The following ARHGAP20 variants were observed in gnomAD, a reference collection of about 807,000 sequenced individuals.
ARHGAP20 encodes the protein rho GTPase-activating protein 20.
A neutral mutation model predicts 73.7 loss-of-function variants in ARHGAP20; 34 were observed. The ratio of observed to expected loss-of-function variants is 0.46; its 90% CI spans 0.35 to 0.61. The LOEUF is 0.61. Among genes scored for constraint, ARHGAP20 ranks in the 20% least tolerant of loss-of-function variants. The pLI, the probability that ARHGAP20 is intolerant of heterozygous loss-of-function variation, is 0.00. For missense variants in ARHGAP20, 1,314 were observed against 1,420.9 expected, an observed-to-expected ratio of 0.92 and a Z score of 1.21; for synonymous variants, 523 against 518.2, an observed-to-expected ratio of 1.01 and a Z score of -0.13.
rs548111968 is a variant in ARHGAP20 at position 110,668,330 on chromosome 11, TA to T, written c.188+22216del. ...TAAAAAGCAATAACATATTTTAAAA[TA>T]AAGGTATACAAATTGTTTTTTAAAG... On this transcript the variant is annotated intron_variant, in intron 2 of 14. Transcript: ENST00000683387. Among the ~76,000 whole-genome samples, 345 of 152,264 alleles carry T rather than the reference TA, an allele frequency of 2.3e-3. 3 individuals carry two copies. Among genetic ancestry groups the T allele is most frequent in the African/African-American group, 7.5e-3 (313 of 41,558 alleles).
rs1202277689 is a variant in ARHGAP20 at position 110,712,138 on chromosome 11, A to C, written c.94T>G (p.Cys32Gly). 2 of 1,357,318 alleles carry C rather than the reference A, an allele frequency of 1.5e-6. No homozygotes were observed. The allele number at this position is 1,357,318 out of a possible 1,614,324, so 84.1% of individuals were successfully genotyped here. A position where few individuals can be genotyped will look rare whatever the true frequency, so the allele number is the denominator to read the frequency against. The change falls in exon 1 of 15, where the codon TGC becomes GGC. Residue 32 changes from cysteine to glycine, a missense_variant. Around this residue, in one of 3 missense-constraint regions of ARHGAP20, gnomAD observed 443 missense variants for 466.4 expected, o/e 0.95. Transcript: ENST00000683387. The part of the protein sequence containing the change: ...TGVSRLAGGS[C>G]TKKKMKTLAE... ...CTCAGCGTCCTCACCTTCTTGGTGC[A>C]GCTGCCTCCCGCGAGCCGAGACACT... is the stretch of plus-strand genomic sequence containing the variant.
Position 110,580,708 on chromosome 11 carries a change from A to C in ARHGAP20, c.2238T>G (p.Asn746Lys), listed in dbSNP as rs1333277958. 1.2e-6 allele frequency: 2 copies of C among 1,613,842 alleles called. No homozygotes were observed. The highest frequency in any genetic ancestry group is 2.2e-5 in the East Asian group (1 of 44,898). Residue 746 changes from asparagine (N) to lysine (K), a missense_variant, in exon 15 of 15, where the codon AAT becomes AAG. Physicochemically the swap from Asn to Lys is moderately conservative, Grantham distance 94. Coordinates refer to ENST00000683387, the MANE Select transcript of ARHGAP20 (RefSeq NM_001384657.1). ...SQKDEDYLKQ[N>K]QPLQEEGKTC... ...TCTTTCCTTCCTCCTGGAGGGGTTG[A>C]TTCTGCTTCAGATAGTCTTCATCTT...
At chr11:110,703,826 A>G (rs1296074758) in intron 1 of ARHGAP20, among the ~76,000 whole-genome samples, 1 of 152,076 alleles carries the variant, frequency 6.6e-6, no homozygotes. Flanking sequence ...TCAATCACCA[A>G]TGTTCTCTGC....
chr11:110,684,474 T>C (rs981417707), intron 2 of ARHGAP20, among the ~76,000 whole-genome samples: 81 of 152,278 alleles, frequency 5.3e-4, no homozygotes, highest in African/African-American at 1.8e-3. Context: ...TTCTGAAAAA[T>C]GTAAATTTGT....
chr11:110,672,474 AT>A (rs11322397), intron 2 of ARHGAP20, among the ~76,000 whole-genome samples: 3,751 of 150,314 alleles, frequency 0.025, 153 homozygotes, highest in African/African-American at 0.088. Context: ...CAGATGGCTA[AT>A]TTTTTTTTTC....
intron 2 of ARHGAP20, among the ~76,000 whole-genome samples, chr11:110,659,838 G>A (rs1039145712): frequency 1.6e-4 from 24 of 151,518 alleles, no homozygotes; most frequent in African/African-American, 3.9e-4. Flanking sequence ...CTCACTCATC[G>A]GTGGGAACTG....
At chr11:110,587,654 T>G (rs1947706236) in intron 11 of ARHGAP20, among the ~76,000 whole-genome samples, 1 of 152,188 alleles carries the variant, frequency 6.6e-6, no homozygotes, top group African/African-American at 2.4e-5. Context: ...GCTGCTAAAT[T>G]GCATATGGCC....
At chr11:110,644,618 C>T (rs569786612) in intron 2 of ARHGAP20, among the ~76,000 whole-genome samples, 8 of 152,006 alleles carry the variant, frequency 5.3e-5, no homozygotes, top group East Asian at 1.9e-4. Context: ...AAACTGGATC[C>T]GTATCTATCT....
chr11:110,584,290 A>G (rs1398852711), intron 12 of ARHGAP20, among the ~76,000 whole-genome samples: 1 of 152,118 alleles, frequency 6.6e-6, no homozygotes, highest in Non-Finnish European at 1.5e-5. Context: ...TCACTTTCAC[A>G]TATCAGTTGC....
At chr11:110,596,515 A>G (rs1280900309) in intron 9 of ARHGAP20, among the ~76,000 whole-genome samples, 1 of 152,188 alleles carries the variant, frequency 6.6e-6, no homozygotes, top group Non-Finnish European at 1.5e-5. Flanking sequence ...GAAGACATTT[A>G]TGCAGCCAAA....
intron 2 of ARHGAP20, among the ~76,000 whole-genome samples, chr11:110,681,447 G>A (rs888217407): frequency 1.3e-5 from 2 of 152,182 alleles, no homozygotes; most frequent in African/African-American, 2.4e-5. Context: ...TTATGAGGTC[G>A]TTGAGTTCAT....
chr11:110,707,309 T>C (rs1389052958), intron 1 of ARHGAP20, among the ~76,000 whole-genome samples: 1 of 152,164 alleles, frequency 6.6e-6, no homozygotes, highest in Non-Finnish European at 1.5e-5. Flanking sequence ...GTGCTTCCAC[T>C]TCATTAAAAC....
intron 2 of ARHGAP20, among the ~76,000 whole-genome samples, chr11:110,672,884 C>CAT (rs1949857187): frequency 6.6e-6 from 1 of 152,130 alleles, no homozygotes. Flanking sequence ...AAGATATTTA[C>CAT]CCAACAGAGT....
intron 3 of ARHGAP20, among the ~76,000 whole-genome samples, chr11:110,625,965 A>G (rs1353741137): frequency 1.3e-5 from 2 of 152,254 alleles, no homozygotes; most frequent in African/African-American, 4.8e-5. Context: ...AGGATTTTGC[A>G]GGAACTGAAG....
In ARHGAP20 at chr11:110,582,450, A is replaced by T; in HGVS notation, c.1606-15T>A. The T allele has an allele frequency of 6.8e-7, 1 of 1,480,038 alleles. No individual in the cohort carries two copies. The highest frequency in any genetic ancestry group is 1.1e-5 in the South Asian group (1 of 87,362). 91.7% of individuals were successfully genotyped at this position (1,480,038 alleles called of 1,614,324 possible). On this transcript the variant is annotated splice_polypyrimidine_tract_variant and intron_variant, in intron 13 of 14. Coordinates refer to ENST00000683387, the MANE Select transcript of ARHGAP20 (RefSeq NM_001384657.1). The stretch of plus-strand genomic sequence containing the variant: ...AGCAGGGAAACCTGTAAGAAAAAGG[A>T]CAAACGAAGTATTACTTTTCATATT...
chr11:110,596,040 G>A (rs956455615), intron 9 of ARHGAP20, among the ~76,000 whole-genome samples: 74 of 152,190 alleles, frequency 4.9e-4, no homozygotes, highest in Admixed American at 1.2e-3. Flanking sequence ...ACAAGCAATG[G>A]GGAAAGGATT....
At chr11:110,625,017 T>A (rs1245216833) in intron 3 of ARHGAP20, among the ~76,000 whole-genome samples, 1 of 72,798 alleles carries the variant, frequency 1.4e-5, no homozygotes, top group African/African-American at 7.0e-5. Flanking sequence ...TTATTTTTTT[T>A]TTATTTTTAT....
At chr11:110,661,256 T>C (rs1218443002) in intron 2 of ARHGAP20, among the ~76,000 whole-genome samples, 3 of 152,168 alleles carry the variant, frequency 2.0e-5, no homozygotes, top group Non-Finnish European at 4.4e-5. Flanking sequence ...CATCAACTCA[T>C]TTTTATATAA....
chr11:110,671,128 C>G (rs933865286), intron 2 of ARHGAP20, among the ~76,000 whole-genome samples: 2 of 151,862 alleles, frequency 1.3e-5, no homozygotes, highest in African/African-American at 4.8e-5. Flanking sequence ...TGCAAAAACT[C>G]TGTAATATTC....
Sources: gnomAD v4.1 joint callset for allele counts (sites outside exome capture counted in the v4.1 genomes callset) on GRCh38, gnomAD v4.1.1 for gene constraint, gnomAD v4.1.1 regional missense constraint, MANE v1.5 for transcripts, NCBI Gene and HGNC (gene_info 2026-07-23, HGNC 2026-07-21) for gene names.